The following CD96 variants were observed in gnomAD, a reference collection of about 807,000 sequenced individuals.
CD96 encodes the protein T-cell surface protein tactile.
Under a neutral mutation model 71.3 loss-of-function variants are expected in CD96, and 70 were observed. The ratio of observed to expected loss-of-function variants is 0.98; its 90% CI spans 0.81 to 1.20. CD96 has a LOEUF of 1.20. Among genes scored for constraint, CD96 ranks in the 50% most tolerant of loss-of-function variants. CD96 has a pLI of 0.00. For synonymous variants in CD96, 248 were observed against 233.0 expected, an observed-to-expected ratio of 1.06 and a Z score of -0.59; for missense variants, 742 against 677.5, an observed-to-expected ratio of 1.10 and a Z score of -1.06.
At chr3:111,585,614 A>G (rs1304721607) in intron 5 of CD96, among the ~76,000 whole-genome samples, 2 of 129,060 alleles carry the variant, frequency 1.5e-5, no homozygotes, top group East Asian at 1.9e-4. Flanking sequence ...AATTTCTCAG[A>G]AAAAAAAATA....
intron 2 of CD96, among the ~76,000 whole-genome samples, chr3:111,557,074 T>A (rs1935099985): frequency 8.6e-6 from 1 of 116,490 alleles, no homozygotes; most frequent in South Asian, 2.7e-4. Flanking sequence ...CTTGTAAATT[T>A]GTTTGAGTTC....
At chr3:111,597,054 C>A (rs1354709670) in intron 5 of CD96, among the ~76,000 whole-genome samples, 3 of 152,200 alleles carry the variant, frequency 2.0e-5, no homozygotes, top group African/African-American at 7.2e-5. Flanking sequence ...GCCCAGACTT[C>A]TTGGGAGTAA....
At chr3:111,622,510 C>G (rs1266807137) in intron 8 of CD96, among the ~76,000 whole-genome samples, 1 of 152,182 alleles carries the variant, frequency 6.6e-6, no homozygotes, top group East Asian at 1.9e-4. Flanking sequence ...TTGATGACCT[C>G]TGGATGTGAA....
In CD96 at chr3:111,649,702, G is replaced by C. The variant is rs769683307; in HGVS notation, c.1606G>C (p.Glu536Gln). 2 of 1,609,444 alleles carry C rather than the reference G, an allele frequency of 1.2e-6. No individual in the cohort carries two copies. Among genetic ancestry groups the C allele is most frequent in the Non-Finnish European group, 1.7e-6 (2 of 1,175,804 alleles). The stretch of plus-strand genomic sequence containing the variant: ...AGACCAATATTTTGTTCCTAGAATG[G>C]AAAGACCTCCACCTTTCAAGCCACC... ...KWCQYQKEIMERPPPFKPPPP... is the reference protein window; with the variant it reads ...KWCQYQKEIMQRPPPFKPPPP... Residue 536 changes from glutamate (E) to glutamine (Q), a missense_variant, in exon 14 of 14, where the codon GAA becomes CAA. Transcript: ENST00000352690.
At chr3:111,582,955 A>G (rs1257531128) in intron 4 of CD96, among the ~76,000 whole-genome samples, 5 of 152,168 alleles carry the variant, frequency 3.3e-5, no homozygotes, top group African/African-American at 7.2e-5. Context: ...TGCCTTCCCA[A>G]CAGTCCCCCA....
At chr3:111,565,694 C>A (rs1354120667) in intron 2 of CD96, among the ~76,000 whole-genome samples, 1 of 151,608 alleles carries the variant, frequency 6.6e-6, no homozygotes, top group Non-Finnish European at 1.5e-5. Flanking sequence ...CCTTAAGGGA[C>A]AGGGGTCTTT....
At position 111,624,440 on chromosome 3, in the gene CD96, A is replaced by AT. The variant is rs1251705494; in HGVS notation, c.1321+36_1321+37insT. ...ATCGTGGGTCCCTTGAGTCCTCTGGACTTCAGTCATTCATCCGACAGATAT... is the reference window on the plus strand; with the variant it reads ...ATCGTGGGTCCCTTGAGTCCTCTGGATCTTCAGTCATTCATCCGACAGATAT... On this transcript the variant is annotated intron_variant, in intron 10 of 13. Transcript: ENST00000352690. 11 of 1,161,800 alleles carry AT rather than the reference A, an allele frequency of 9.5e-6. No homozygotes were observed. In the East Asian group the frequency reaches 2.6e-4, roughly 27 times the overall value. The allele number at this position is 1,161,800 out of a possible 1,614,324, so 72.0% of individuals were successfully genotyped here. A position where few individuals can be genotyped will look rare whatever the true frequency, so the allele number is the denominator to read the frequency against.
chr3:111,627,366 C>G (rs1283866305), intron 10 of CD96, among the ~76,000 whole-genome samples: 2 of 152,210 alleles, frequency 1.3e-5, no homozygotes, highest in African/African-American at 4.8e-5. Context: ...CACAGTTCCC[C>G]AGCACAGCTG....
Position 111,623,822 on chromosome 3 carries a change from C to A in CD96, c.1249C>A (p.Pro417Thr). 1 of 1,601,574 alleles carries A rather than the reference C, an allele frequency of 6.2e-7. No individual in the cohort carries two copies. Among genetic ancestry groups the A allele is most frequent in the Non-Finnish European group, 8.6e-7 (1 of 1,168,594 alleles). The part of the protein sequence containing the change: ...SALRPNTTPQ[P>T]SNSSMTTRGF... ...CTTGAGGCCAAACACCACTCCTCAA[C>A]GTGAGTTCAGCAAAGTTTTCCTACA... is the stretch of plus-strand genomic sequence containing the variant. The change falls in exon 9 of 14, where the codon CCC becomes ACC. Residue 417 changes from proline to threonine, a missense_variant and splice_region_variant. By Grantham distance (38) the Pro-to-Thr change is conservative. Transcript: ENST00000352690.
rs1036447956 is a variant in CD96, at chr3:111,637,464, C to T, written c.1387+203C>T. ...AGAGACCAAGCCTTAGATTTTTATACATTTTATTTCCAAAAAAATCTACAC... is the reference window on the plus strand; with the variant it reads ...AGAGACCAAGCCTTAGATTTTTATATATTTTATTTCCAAAAAAATCTACAC... On this transcript the variant is annotated intron_variant, in intron 11 of 13. Coordinates refer to ENST00000352690, the MANE Select transcript of CD96 (RefSeq NM_005816.5). 6.0e-5 allele frequency among the ~76,000 whole-genome samples: 9 copies of T among 150,012 alleles called. 1 individual carries two copies. Among genetic ancestry groups the T allele is most frequent in the Admixed American group, 6.0e-4 (9 of 15,114 alleles).
intron 2 of CD96, among the ~76,000 whole-genome samples, chr3:111,546,256 C>A (rs1007948800): frequency 2.6e-5 from 4 of 152,162 alleles, no homozygotes; most frequent in African/African-American, 9.7e-5. Flanking sequence ...GTCTGGCATG[C>A]ACACCTGAAT....
chr3:111,570,527 T>A, intron 3 of CD96: 3 of 1,032,346 alleles, frequency 2.9e-6, no homozygotes, highest in South Asian at 1.6e-5. Flanking sequence ...ATGGGACGCA[T>A]GTGTGTTAAC....
At chr3:111,588,436 T>A (rs1350180660) in intron 5 of CD96, among the ~76,000 whole-genome samples, 1 of 152,206 alleles carries the variant, frequency 6.6e-6, no homozygotes, top group African/African-American at 2.4e-5. Flanking sequence ...ATTCAGCAAG[T>A]CTCTAGGAAG....
intron 10 of CD96, among the ~76,000 whole-genome samples, chr3:111,636,843 CCATAA>C (rs2107753211): frequency 6.6e-6 from 1 of 152,332 alleles, no homozygotes; most frequent in East Asian, 1.9e-4. Flanking sequence ...CTAAACGCCG[CCATAA>C]CACACCTGGA....
chr3:111,639,072 A>G (rs1350020141), intron 12 of CD96, among the ~76,000 whole-genome samples: 1 of 152,232 alleles, frequency 6.6e-6, no homozygotes, highest in Non-Finnish European at 1.5e-5. Flanking sequence ...GCAACTCTGC[A>G]GCATGCAGAG....
At chr3:111,610,884 G>A (rs1461888704) in intron 8 of CD96, among the ~76,000 whole-genome samples, 6 of 152,160 alleles carry the variant, frequency 3.9e-5, no homozygotes, top group Admixed American at 1.3e-4. Flanking sequence ...ATGCCAACCC[G>A]GTGTGGCAAT....
At chr3:111,656,829 AT>A (rs1188479415), downstream of CD96, among the ~76,000 whole-genome samples, 3 of 152,246 alleles carry the variant, frequency 2.0e-5, no homozygotes, top group East Asian at 5.8e-4. Flanking sequence ...GTATATGCCT[AT>A]TTTTACAAAA....
Position 111,567,028 on chromosome 3 carries a change from C to A in CD96, c.419-495C>A, listed in dbSNP as rs552680641. Among the ~76,000 whole-genome samples, 6 of 152,164 alleles carry A rather than the reference C, an allele frequency of 3.9e-5. No homozygotes were observed. The South Asian group carries it at 6.2e-4, about 16-fold the overall frequency. On this transcript the variant is annotated intron_variant, in intron 2 of 13. Transcript: ENST00000352690. ...GGGTTCGTTAATTGTAACAAATGTA[C>A]CGCTGTGGAACAGGATGTCCACAGT...
At position 111,608,363 on chromosome 3, in the gene CD96, T is replaced by A. The variant is rs1344813357; in HGVS notation, c.1180+1571T>A. On this transcript the variant is annotated intron_variant, in intron 8 of 13. Coordinates refer to ENST00000352690, the MANE Select transcript of CD96 (RefSeq NM_005816.5). ...CTTTATTTTATCTACTAGAAGTAAG[T>A]CACTAGGTCCATCTTATACTCAAGG... 2.6e-5 allele frequency among the ~76,000 whole-genome samples: 4 copies of A among 152,248 alleles called. No individual in the cohort carries two copies. The East Asian group carries it at 7.7e-4, about 29-fold the overall frequency.
Sources: allele counts gnomAD v4.1 joint callset (sites outside exome capture counted in the v4.1 genomes callset), GRCh38; gene constraint gnomAD v4.1.1; transcripts MANE v1.5; gene names NCBI Gene and HGNC (gene_info 2026-07-23, HGNC 2026-07-21).